PLEC: variants seen among roughly 807,000 people sequenced by gnomAD.
PLEC encodes the protein plectin, also known as hemidesmosomal protein 1.
A neutral mutation model predicts 392.8 loss-of-function variants in PLEC; 216 were observed. The observed-to-expected ratio is 0.55, with a 90% CI of 0.49 to 0.62. PLEC has a LOEUF of 0.62. Ranked by LOEUF, PLEC falls within the 20% of genes least tolerant of loss-of-function variation. The pLI is 0.00. For synonymous variants in PLEC, 3,621 were observed against 2,980.6 expected, an observed-to-expected ratio of 1.21 and a Z score of -7.00; for missense variants, 6,863 against 6,563.4, an observed-to-expected ratio of 1.05 and a Z score of -1.58.
chr8:143,927,448 C>A lies in PLEC; in HGVS notation c.3718G>T (p.Asp1240Tyr). The change falls in exon 27 of 32, where the codon GAC becomes TAC. Residue 1240 changes from aspartate to tyrosine, a missense_variant. Physicochemically the swap from Asp to Tyr is radical, Grantham distance 160. Coordinates refer to ENST00000345136, the MANE Select transcript of PLEC (RefSeq NM_201384.3). ...AGCTGCTCCCGCACAGCCTGGCTGT[C>A]GGCCAGCGGCATGGCCTGGATCTGC... Reference protein sequence around the residue: ...QEQIQAMPLADSQAVREQLRQ... With the variant: ...QEQIQAMPLAYSQAVREQLRQ... The A allele has an allele frequency of 6.3e-7, 1 of 1,598,946 alleles. No individual in the cohort carries two copies. The highest frequency in any genetic ancestry group is 8.5e-7 in the Non-Finnish European group (1 of 1,178,454).
chr8:143,922,335 G>C lies in PLEC; in HGVS notation c.7486C>G (p.Leu2496Val). 1 of 1,606,466 alleles carries C rather than the reference G, an allele frequency of 6.2e-7. No individual in the cohort carries two copies. The highest frequency in any genetic ancestry group is 8.5e-7 in the Non-Finnish European group (1 of 1,179,968). The change falls in exon 32 of 32, where the codon CTC becomes GTC. Residue 2496 changes from leucine (L) to valine (V), a missense_variant. Coordinates refer to ENST00000345136, the MANE Select transcript of PLEC (RefSeq NM_201384.3). ...TGTAGCAGGCTGTCCTTTTCAGAGAGGAAGCTTTGCTGCAGGGCCTGCGTC... is the reference window on the plus strand; with the variant it reads ...TGTAGCAGGCTGTCCTTTTCAGAGACGAAGCTTTGCTGCAGGGCCTGCGTC... ...QETQALQQSF[L>V]SEKDSLLQRE...
chr8:143,949,505 C>T (rs1554734140), intron 1 of PLEC, among the ~76,000 whole-genome samples: 1 of 152,186 alleles, frequency 6.6e-6, no homozygotes. Context: ...CAGGACCCGT[C>T]CTGTCCTGTG....
At chr8:143,944,270 G>A (rs1004852721), upstream of PLEC, among the ~76,000 whole-genome samples, 7 of 152,244 alleles carry the variant, frequency 4.6e-5, no homozygotes, top group Middle Eastern at 3.4e-3. Context: ...CACTGCCCGC[G>A]GCCTCGGCAC....
upstream of PLEC, chr8:143,943,713 AG>A: frequency 6.9e-7 from 1 of 1,447,088 alleles, no homozygotes; most frequent in Non-Finnish European, 9.5e-7. Context: ...CAGGGAATGA[AG>A]GGGCGGGAGG....
chr8:143,928,101 C>A, intron 25 of PLEC, 109 bp from the exon 26 acceptor site: 1 of 1,377,748 alleles, frequency 7.3e-7, no homozygotes, highest in Non-Finnish European at 9.7e-7. Flanking sequence ...AGCCCAGACC[C>A]AACCCTGGGG....
intron 1 of PLEC, among the ~76,000 whole-genome samples, chr8:143,971,759 C>T (rs1334987849): frequency 6.6e-6 from 1 of 152,180 alleles, no homozygotes; most frequent in African/African-American, 2.4e-5. Context: ...TGCACCATCA[C>T]GTGACAACTC....
chr8:143,953,870 G>A, upstream of PLEC: 2 of 1,557,366 alleles, frequency 1.3e-6, no homozygotes, highest in Non-Finnish European at 1.7e-6. Flanking sequence ...GAGGAGCCCG[G>A]AGGTCCGGGG....
At chr8:143,957,257 G>A (rs571958323), upstream of PLEC, among the ~76,000 whole-genome samples, 2 of 152,290 alleles carry the variant, frequency 1.3e-5, no homozygotes, top group Admixed American at 6.5e-5. Context: ...CACTGCCCAG[G>A]AGATCTCATC....
chr8:143,939,135 C>T (rs782509659), intron 1 of PLEC, among the ~76,000 whole-genome samples: 18 of 152,224 alleles, frequency 1.2e-4, no homozygotes, highest in Non-Finnish European at 2.5e-4. Flanking sequence ...AGTTCCTCGC[C>T]CTTCCAGGCC....
Position 143,919,825 on chromosome 8 carries a change from C to A in PLEC, c.9996G>T (p.Lys3332Asn). The A allele has an allele frequency of 3.1e-6, 5 of 1,613,120 alleles. No homozygotes were observed. Among genetic ancestry groups the A allele is most frequent in the Non-Finnish European group, 4.2e-6 (5 of 1,180,032 alleles). ...GGTCCTTGACCGTCGTCTTGCCGTC[C>A]TTGAGCTGCTCAAACTGGGCTCTGC... ...VLSRAQFEQL[K>N]DGKTTVKDLS... The change falls in exon 32 of 32, where the codon AAG becomes AAT. Residue 3332 changes from lysine (K) to asparagine (N), a missense_variant. Physicochemically the swap from Lys to Asn is moderately conservative, Grantham distance 94. Coordinates refer to ENST00000345136, the MANE Select transcript of PLEC (RefSeq NM_201384.3).
rs1204023520 is a variant in PLEC, at chr8:143,917,033, G to C, written c.12788C>G (p.Ser4263Cys). The C allele has an allele frequency of 1.2e-6, 2 of 1,611,372 alleles. No homozygotes were observed. Among genetic ancestry groups the C allele is most frequent in the African/African-American group, 1.3e-5 (1 of 74,892 alleles). The change falls in exon 32 of 32, where the codon TCC becomes TGC. Residue 4263 changes from serine to cysteine, a missense_variant. Ser to Cys is a moderately radical substitution (Grantham distance 112, BLOSUM62 -1). Coordinates refer to ENST00000345136, the MANE Select transcript of PLEC (RefSeq NM_201384.3). ...SSSYPISPAV[S>C]RTQLASWSDP... is the part of the protein sequence containing the mutation. ...TGACCAGGAGGCCAGCTGGGTCCTG[G>C]AGACGGCGGGGCTGATGGGGTAGGA...
chr8:143,924,082 T>TCCCAGC lies in PLEC; in HGVS notation c.5841_5846dup (p.Leu1948_Gly1949dup). The TCCCAGC allele has an allele frequency of 6.3e-7, 1 of 1,597,804 alleles. No homozygotes were observed. The highest frequency in any genetic ancestry group is 8.5e-7 in the Non-Finnish European group (1 of 1,179,180). On this transcript the variant is annotated inframe_insertion, in exon 31 of 32. Transcript: ENST00000345136. ...TGTCCTCCGCGTTGCTGCGGATGCG[T>TCCCAGC]CCCAGCTCCAGCTCCAGCTCCGCCT...
At chr8:143,942,272 A>T, upstream of PLEC, 1 of 1,216,500 alleles carries the variant, frequency 8.2e-7, no homozygotes, top group South Asian at 1.3e-5. Context: ...GCAAGGCTGC[A>T]CCGGGCCAAG....
In PLEC at chr8:143,921,328, C is replaced by T. The variant is rs908426008; in HGVS notation, c.8493G>A (p.Arg2831=). Residue 2831 remains arginine (R), a synonymous_variant, in exon 32 of 32, where the codon CGG becomes CGA. Transcript: ENST00000345136. ...SHRVPVDVAY[R]RGYFDEEMNR... is the part of the protein sequence containing the mutation. ...TCATCTCCTCGTCGAAGTAGCCGCG[C>T]CGGTAGGCCACGTCCACGGGCACGC... 1.6e-5 allele frequency: 26 copies of T among 1,613,890 alleles called. No homozygotes were observed. The highest frequency in any genetic ancestry group is 2.2e-5 in the Non-Finnish European group (26 of 1,180,008).
rs782143674 is a variant in PLEC, at chr8:143,919,835, T to C, written c.9986A>G (p.Glu3329Gly). 14 of 1,613,130 alleles carry C rather than the reference T, an allele frequency of 8.7e-6. No individual in the cohort carries two copies. The East Asian group carries it at 2.5e-4, about 28-fold the overall frequency. Residue 3329 changes from glutamate to glycine, a missense_variant, in exon 32 of 32, where the codon GAG (glutamate) becomes GGG (glycine). Transcript: ENST00000345136. Reference protein sequence around the residue: ...ASGVLSRAQFEQLKDGKTTVK... With the variant: ...ASGVLSRAQFGQLKDGKTTVK... ...CGTCGTCTTGCCGTCCTTGAGCTGC[T>C]CAAACTGGGCTCTGCTGAGGACCCC...
chr8:143,921,493 G>C lies in PLEC; in HGVS notation c.8328C>G (p.Gly2776=). 6.2e-7 allele frequency: 1 copy of C among 1,613,072 alleles called. No individual in the cohort carries two copies. Among genetic ancestry groups the C allele is most frequent in the Non-Finnish European group, 8.5e-7 (1 of 1,179,800 alleles). ...GCTGGCCAGTGTAGGGGTCCTTGTA[G>C]CCAGTGACGGCGCGCTCGGCCGACA... ...KLLSAERAVT[G]YKDPYTGQQI... is the part of the protein sequence containing the mutation. Residue 2776 remains glycine, a synonymous_variant, in exon 32 of 32, where the codon GGC becomes GGG. Coordinates refer to ENST00000345136, the MANE Select transcript of PLEC (RefSeq NM_201384.3).
rs188739870 is a variant in PLEC at position 143,920,488 on chromosome 8, C to T, written c.9333G>A (p.Gly3111=). ...AVTGYRDPYT[G]QSVSLFQALK... ...GGGCCTGGAACAGGGAGACGCTCTG[C>T]CCTGTGTAGGGGTCCCTGTACCCTG... is the stretch of plus-strand genomic sequence containing the variant. Residue 3111 remains glycine (G), a synonymous_variant, in exon 32 of 32, where the codon GGG becomes GGA. Coordinates refer to ENST00000345136, the MANE Select transcript of PLEC (RefSeq NM_201384.3). The T allele has an allele frequency of 2.0e-3, 3,159 of 1,608,406 alleles. 4 individuals are homozygous for T. Among genetic ancestry groups the T allele is most frequent in the South Asian group, 4.8e-3 (437 of 90,978 alleles).
chr8:143,944,339 A>G (rs1263534679), upstream of PLEC, among the ~76,000 whole-genome samples: 1 of 152,044 alleles, frequency 6.6e-6, no homozygotes, highest in Non-Finnish European at 1.5e-5. Context: ...GGGCCCGAGC[A>G]GCCCACTCTG....
chr8:143,939,617 T>TGCCTGCTGTACTCCCC (rs1830040341), upstream of PLEC: 2 of 1,469,016 alleles, frequency 1.4e-6, no homozygotes, highest in South Asian at 2.7e-5. Flanking sequence ...GGCCACTCCC[T>TGCCTGCTGTACTCCCC]GCCTGCTGTA....
Sources: gnomAD v4.1 joint callset for allele counts (sites outside exome capture counted in the v4.1 genomes callset) on GRCh38, gnomAD v4.1.1 for gene constraint, MANE v1.5 for transcripts, NCBI Gene and HGNC (gene_info 2026-07-23, HGNC 2026-07-21) for gene names.